KLHL24: variants seen among roughly 807,000 people sequenced by gnomAD.
The protein encoded by KLHL24 is kelch like family member 24, also known as kelch-like protein 24.
In KLHL24, 29 loss-of-function variants were observed where a neutral mutation model predicts 53.4. That is an observed-to-expected ratio of 0.54 (90% CI 0.40 to 0.74). The LOEUF is 0.74. Among genes scored for constraint, KLHL24 ranks in the 30% least tolerant of loss-of-function variants. The pLI, the probability that KLHL24 is intolerant of heterozygous loss-of-function variation, is 0.00. For missense variants in KLHL24, 504 were observed against 744.0 expected (o/e 0.68, Z 3.75); for synonymous variants, 222 against 253.7 (o/e 0.88, Z 1.19).
At chr3:183,668,009 A>G (rs1378201487) in intron 5 of KLHL24, among the ~76,000 whole-genome samples, 2 of 150,476 alleles carry the variant, frequency 1.3e-5, no homozygotes, top group Admixed American at 6.7e-5. Flanking sequence ...CACCATGCCC[A>G]GCTCAAAACA....
intron 4 of KLHL24, 75 bp from the exon 5 acceptor site, chr3:183,664,843 ATGC>A: frequency 2.9e-6 from 2 of 690,212 alleles, no homozygotes; most frequent in South Asian, 5.4e-5. Context: ...TTCTTTACCT[ATGC>A]CTTGGTGGCA....
intron 7 of KLHL24, among the ~76,000 whole-genome samples, chr3:183,673,573 G>A (rs928267996): frequency 6.6e-6 from 1 of 151,974 alleles, no homozygotes; most frequent in Non-Finnish European, 1.5e-5. Context: ...TATTCTAACC[G>A]GAGCCCTACT....
chr3:183,639,748 G>T (rs1361593888), intron 1 of KLHL24, among the ~76,000 whole-genome samples: 1 of 151,908 alleles, frequency 6.6e-6, no homozygotes, highest in Non-Finnish European at 1.5e-5. Context: ...ACTCACGCTT[G>T]TAATCCCAGC....
chr3:183,639,366 C>T (rs1236084872), intron 1 of KLHL24, among the ~76,000 whole-genome samples: 3 of 152,156 alleles, frequency 2.0e-5, no homozygotes. Context: ...CGCGGTGGCT[C>T]ACGCCTGTAA....
At chr3:183,674,264 TTTC>T (rs1404129724) in intron 7 of KLHL24, among the ~76,000 whole-genome samples, 1 of 149,434 alleles carries the variant, frequency 6.7e-6, no homozygotes, top group African/African-American at 2.5e-5. Context: ...TCTTTCTTTC[TTTC>T]TTTCTTTCTT....
chr3:183,676,777 TTC>T (rs1402763954), intron 7 of KLHL24, among the ~76,000 whole-genome samples: 1 of 152,166 alleles, frequency 6.6e-6, no homozygotes, highest in East Asian at 1.9e-4. Context: ...AAGACTTTTT[TTC>T]TCTCTCTTCA....
chr3:183,668,962 TA>T (rs1244246713), intron 5 of KLHL24, among the ~76,000 whole-genome samples: 2 of 152,010 alleles, frequency 1.3e-5, no homozygotes, highest in African/African-American at 4.8e-5. Flanking sequence ...ATATTTAATA[TA>T]ACTTGGTCAT....
intron 1 of KLHL24, 110 bp downstream of exon 1, chr3:183,635,903 C>T (rs1715040848): frequency 6.6e-6 from 1 of 152,408 alleles, no homozygotes; most frequent in African/African-American, 2.4e-5. Flanking sequence ...GACTGGCGGT[C>T]TGCGGAGAGG....
Position 183,679,420 on chromosome 3 carries a change from C to T in KLHL24, c.*134C>T. The stretch of plus-strand genomic sequence containing the variant: ...AAAAATAATAATTTGGTGCCTTTCT[C>T]CTCAAAATATCAATCTTTCAAACTA... On this transcript the variant is annotated 3_prime_UTR_variant, in exon 8 of 8. Transcript: ENST00000242810. The T allele has an allele frequency of 1.6e-6, 1 of 638,346 alleles. No individual in the cohort carries two copies. Among genetic ancestry groups the T allele is most frequent in the East Asian group, 2.8e-5 (1 of 36,146 alleles). 39.5% of individuals were successfully genotyped at this position (638,346 alleles called of 1,614,324 possible). A position where few individuals can be genotyped will look rare whatever the true frequency, so the allele number is the denominator to read the frequency against.
intron 3 of KLHL24, among the ~76,000 whole-genome samples, chr3:183,656,288 CA>C (rs1718881731): frequency 6.6e-6 from 1 of 152,132 alleles, no homozygotes. Context: ...CTTGGCTTCC[CA>C]AAGTGCTAGG....
rs1721273692 is a variant in KLHL24 at position 183,671,115 on chromosome 3, G to GA, written c.1308dup (p.Val437SerfsTer5). ...TGATTCCTTTTCAAATCGATGGACT[G>GA]AAGTTGCTCCCCTTAAGGAAGCCGT... On this transcript the variant is annotated frameshift_variant, in exon 6 of 8. Transcript: ENST00000242810. LOFTEE classifies it high-confidence loss of function. 2 of 1,613,928 alleles carry GA rather than the reference G, an allele frequency of 1.2e-6. No homozygotes were observed. The highest frequency in any genetic ancestry group is 2.7e-5 in the African/African-American group (2 of 74,914).
chr3:183,678,586 A>G (rs933192103), intron 7 of KLHL24, among the ~76,000 whole-genome samples: 1 of 151,634 alleles, frequency 6.6e-6, no homozygotes, highest in African/African-American at 2.4e-5. Flanking sequence ...ACACTGTGTC[A>G]TGGGGGTTTG....
At chr3:183,657,394 C>T (rs1426825355) in intron 3 of KLHL24, among the ~76,000 whole-genome samples, 1 of 152,186 alleles carries the variant, frequency 6.6e-6, no homozygotes, top group Non-Finnish European at 1.5e-5. Flanking sequence ...CCATTAAGTA[C>T]TTGTCTCTTC....
Position 183,651,014 on chromosome 3 carries a change from G to A in KLHL24, c.658G>A (p.Glu220Lys). Residue 220 changes from glutamate to lysine, a missense_variant, in exon 3 of 8, where the codon GAA (glutamate) becomes AAA (lysine). Physicochemically the swap from Glu to Lys is moderately conservative, Grantham distance 56 (BLOSUM62 1). Transcript: ENST00000242810. The stretch of plus-strand genomic sequence containing the variant: ...ACTTATTGATTATATTTGTAGTGAT[G>A]AACTTGTTATTGGTAAAGAGGAGAT... The part of the protein sequence containing the change: ...DELIDYICSD[E>K]LVIGKEEMVF... 6.2e-7 allele frequency: 1 copy of A among 1,614,206 alleles called. No individual in the cohort carries two copies. The highest frequency in any genetic ancestry group is 8.5e-7 in the Non-Finnish European group (1 of 1,180,038).
chr3:183,652,666 TAA>T (rs540766359), intron 3 of KLHL24, among the ~76,000 whole-genome samples: 110 of 152,328 alleles, frequency 7.2e-4, no homozygotes, highest in African/African-American at 2.5e-3. Context: ...TTCGGAATGT[TAA>T]AAGTCAGCAT....
At chr3:183,658,769 G>T (rs1172550881) in intron 3 of KLHL24, among the ~76,000 whole-genome samples, 1 of 151,192 alleles carries the variant, frequency 6.6e-6, no homozygotes, top group Non-Finnish European at 1.5e-5. Flanking sequence ...AGTGAAAGTG[G>T]TATCTCATAA....
intron 7 of KLHL24, among the ~76,000 whole-genome samples, chr3:183,673,389 C>CT (rs5855003): frequency 0.4 from 60,262 of 149,536 alleles, 15,138 homozygotes; most frequent in African/African-American, 0.72. Context: ...TTGGGCTGTT[C>CT]TTTTTTTTTT....
At position 183,672,466 on chromosome 3, in the gene KLHL24, G is replaced by A; in HGVS notation, c.1584G>A (p.Gln528=). The change falls in exon 7 of 8, where the codon CAG becomes CAA. Residue 528 remains glutamine (Q), a synonymous_variant. Coordinates refer to ENST00000242810, the MANE Select transcript of KLHL24 (RefSeq NM_017644.3). ...DPVEDYWMHV[Q]NTFSRQENCG... is the part of the protein sequence containing the mutation. ...TTGAAGATTACTGGATGCACGTACAGAATACATTCAGCCGTCAGGTAATAA... is the reference window on the plus strand; with the variant it reads ...TTGAAGATTACTGGATGCACGTACAAAATACATTCAGCCGTCAGGTAATAA... 2 of 1,607,322 alleles carry A rather than the reference G, an allele frequency of 1.2e-6. No homozygotes were observed. The highest frequency in any genetic ancestry group is 1.7e-6 in the Non-Finnish European group (2 of 1,176,370).
chr3:183,648,450 A>G (rs1421328163), intron 2 of KLHL24, among the ~76,000 whole-genome samples: 1 of 152,150 alleles, frequency 6.6e-6, no homozygotes, highest in Non-Finnish European at 1.5e-5. Flanking sequence ...GTAGGATGGC[A>G]TCTCATTTTT....
Sources: allele counts gnomAD v4.1 joint callset (sites outside exome capture counted in the v4.1 genomes callset), GRCh38; gene constraint gnomAD v4.1.1; transcripts MANE v1.5; gene names NCBI Gene and HGNC (gene_info 2026-07-23, HGNC 2026-07-21).